CTNNA2: variants seen among roughly 807,000 people sequenced by gnomAD.
CTNNA2 encodes the protein catenin alpha 2.
CTNNA2 carries 42 observed loss-of-function variants against 101.0 expected under a neutral mutation model. That is an observed-to-expected ratio of 0.42 (90% CI 0.32 to 0.54). CTNNA2 has a LOEUF of 0.54. Ranked by LOEUF, CTNNA2 falls within the 20% of genes least tolerant of loss-of-function variation. The probability of loss-of-function intolerance (pLI) is 0.14; values close to 1 mark genes in which losing one functional copy is unlikely to be tolerated. For synonymous variants in CTNNA2, 450 were observed against 456.4 expected (o/e 0.99, Z 0.18); for missense variants, 871 against 1,223.1 (o/e 0.71, Z 4.29).
At chr2:79,230,113 T>C (rs921977632) in intron 2 of CTNNA2, among the ~76,000 whole-genome samples, 1 of 152,216 alleles carries the variant, frequency 6.6e-6, no homozygotes, top group Non-Finnish European at 1.5e-5. Context: ...AGGAGAAATT[T>C]AAGACGGCTG....
intron 9 of CTNNA2, among the ~76,000 whole-genome samples, chr2:80,510,137 C>G (rs145456599): frequency 1.4e-3 from 213 of 152,292 alleles, no homozygotes; most frequent in Middle Eastern, 6.8e-3. Flanking sequence ...AATTCAGTAT[C>G]TCCCTGTTAA....
intron 3 of CTNNA2, among the ~76,000 whole-genome samples, chr2:79,790,696 A>G (rs1475925969): frequency 6.6e-6 from 1 of 152,202 alleles, no homozygotes; most frequent in Non-Finnish European, 1.5e-5. Flanking sequence ...GCTACCAGTT[A>G]TACCTATCAT....
At chr2:80,124,484 A>C (rs1290495013) in intron 7 of CTNNA2, among the ~76,000 whole-genome samples, 1 of 152,170 alleles carries the variant, frequency 6.6e-6, no homozygotes, top group East Asian at 1.9e-4. Flanking sequence ...CGGGGTTCGC[A>C]ACCAAATATA....
chr2:80,529,546 C>A (rs999344051), intron 9 of CTNNA2, among the ~76,000 whole-genome samples: 13 of 152,142 alleles, frequency 8.5e-5, no homozygotes, highest in African/African-American at 2.9e-4. Context: ...CTCTTTTGTT[C>A]TCTCCCTTTC....
intron 7 of CTNNA2, among the ~76,000 whole-genome samples, chr2:79,993,892 T>G (rs1692356460): frequency 6.6e-6 from 1 of 152,066 alleles, no homozygotes. Flanking sequence ...TTTTGTTTTG[T>G]TTTTTGTTTT....
intron 8 of CTNNA2, among the ~76,000 whole-genome samples, chr2:80,395,257 T>C (rs1166331774): frequency 6.6e-6 from 1 of 152,172 alleles, no homozygotes; most frequent in Admixed American, 6.5e-5. Context: ...ATTCCATGTA[T>C]GTTATTTCTT....
At position 80,302,496 on chromosome 2, in the gene CTNNA2, C is replaced by T; in HGVS notation, c.1057-90715C>T. 1 of 1,613,724 alleles carries T rather than the reference C, an allele frequency of 6.2e-7. No homozygotes were observed. The highest frequency in any genetic ancestry group is 8.5e-7 in the Non-Finnish European group (1 of 1,180,034). On this transcript the variant is annotated intron_variant, in intron 7 of 18. Transcript: ENST00000402739. The surrounding 1 kb of genome is among the most constrained non-coding windows in gnomAD (Gnocchi z 6.4). ...CAGGACACGTAGAGCACCAGGACCA[C>T]GATGAGGAAGGAGAAGATGAGGGCC...
At chr2:79,818,094 T>G (rs1232261246) in intron 3 of CTNNA2, among the ~76,000 whole-genome samples, 2 of 152,184 alleles carry the variant, frequency 1.3e-5, no homozygotes, top group Non-Finnish European at 2.9e-5. Flanking sequence ...TTTCTGAGTC[T>G]TTTTTAGCTT....
At chr2:79,848,028 G>C (rs1347991865) in intron 3 of CTNNA2, among the ~76,000 whole-genome samples, 1 of 152,096 alleles carries the variant, frequency 6.6e-6, no homozygotes, top group African/African-American at 2.4e-5. Context: ...GAGAATACAG[G>C]TACTGATCAA....
chr2:79,312,215 C>T (rs938855278), intron 2 of CTNNA2, among the ~76,000 whole-genome samples: 1 of 152,178 alleles, frequency 6.6e-6, no homozygotes, highest in Non-Finnish European at 1.5e-5. Context: ...GACCTTTACC[C>T]AGGCATAAGG....
chr2:79,966,649 C>A (rs1690083981), intron 7 of CTNNA2, among the ~76,000 whole-genome samples: 1 of 152,124 alleles, frequency 6.6e-6, no homozygotes, highest in African/African-American at 2.4e-5. Flanking sequence ...AAGAAGGCAG[C>A]CAATGAAGAG....
intron 3 of CTNNA2, among the ~76,000 whole-genome samples, chr2:79,357,232 A>C (rs1304240061): frequency 8.5e-5 from 13 of 152,156 alleles, no homozygotes; most frequent in Non-Finnish European, 1.5e-4. Flanking sequence ...AGGCTGAGGC[A>C]GGAAAATTGC....
chr2:79,505,312 C>T (rs1671388793), intron 5 of CTNNA2: 1 of 152,060 alleles, frequency 6.6e-6, no homozygotes, highest in African/African-American at 2.4e-5. Context: ...ATAATCAGTT[C>T]CTTATTTTAA....
At chr2:79,730,550 T>G (rs1010639249) in intron 2 of CTNNA2, among the ~76,000 whole-genome samples, 8 of 152,062 alleles carry the variant, frequency 5.3e-5, no homozygotes, top group African/African-American at 1.9e-4. Context: ...ATTGTTGGTT[T>G]TATTCCAAGA....
At chr2:80,218,633 A>G (rs141416217) in intron 7 of CTNNA2, among the ~76,000 whole-genome samples, 2 of 152,308 alleles carry the variant, frequency 1.3e-5, no homozygotes, top group African/African-American at 4.8e-5. Context: ...CTGTAAAATG[A>G]GAGTAGTCAT....
At chr2:79,402,317 A>G (rs1329726937) in intron 4 of CTNNA2, among the ~76,000 whole-genome samples, 1 of 151,806 alleles carries the variant, frequency 6.6e-6, no homozygotes, top group East Asian at 1.9e-4. Context: ...TATAAACCTC[A>G]TAGATAGATG....
chr2:80,464,413 C>G (rs953344835), intron 9 of CTNNA2, among the ~76,000 whole-genome samples: 2 of 152,128 alleles, frequency 1.3e-5, no homozygotes, highest in African/African-American at 4.8e-5. Flanking sequence ...TTAATTAGCT[C>G]TCTTTTACTT....
chr2:79,835,052 C>A (rs1156277729), intron 3 of CTNNA2, among the ~76,000 whole-genome samples: 1 of 152,182 alleles, frequency 6.6e-6, no homozygotes, highest in Non-Finnish European at 1.5e-5. Flanking sequence ...GATTTAGTTA[C>A]CATAGCTTAT....
chr2:79,516,492 G>A lies in CTNNA2; in HGVS notation c.-6+3285G>A, dbSNP rs78839255. 0.011 allele frequency among the ~76,000 whole-genome samples: 1,670 copies of A among 152,286 alleles called. 86 individuals are homozygous for A. In the East Asian group the frequency reaches 0.14, roughly 13 times the overall value. Reference sequence around the variant, plus strand: ...GCAGAGAGGGAGGAAAAGGCATGGTGTGTTTGAAGAACATTAGAGAGACTA... The same window carrying A: ...GCAGAGAGGGAGGAAAAGGCATGGTATGTTTGAAGAACATTAGAGAGACTA... On this transcript the variant is annotated intron_variant, in intron 1 of 18. Transcript: ENST00000402739.
Sources: gnomAD v4.1 joint callset for allele counts (sites outside exome capture counted in the v4.1 genomes callset) on GRCh38, gnomAD v4.1.1 for gene constraint, Gnocchi (gnomAD v3.1) non-coding constraint, MANE v1.5 for transcripts, NCBI Gene and HGNC (gene_info 2026-07-23, HGNC 2026-07-21) for gene names.